The following IL1RAPL1 variants were observed in gnomAD, a reference collection of about 807,000 sequenced individuals.
The protein encoded by IL1RAPL1 is interleukin 1 receptor accessory protein like 1, also known as interleukin-1 receptor accessory protein-like 1.
In IL1RAPL1, 3 loss-of-function variants were observed where a neutral mutation model predicts 48.4. That is an observed-to-expected ratio of 0.06 (90% CI 0.03 to 0.16). IL1RAPL1 has a LOEUF of 0.16. Ranked by LOEUF, IL1RAPL1 falls within the 10% of genes least tolerant of loss-of-function variation. The pLI is 1.00. For synonymous variants in IL1RAPL1, 185 were observed against 187.7 expected, an observed-to-expected ratio of 0.99 and a Z score of 0.12; for missense variants, 349 against 530.6, an observed-to-expected ratio of 0.66 and a Z score of 3.36.
At chrX:29,727,248 G>A (rs1927796964) in intron 6 of IL1RAPL1, among the ~76,000 whole-genome samples, 1 of 111,905 alleles carries the variant, frequency 8.9e-6, no homozygotes, top group Non-Finnish European at 1.9e-5. Flanking sequence ...CCTCCCTATA[G>A]CAATGCTTGC....
chrX:28,736,282 AAAT>A (rs1935823837), intron 1 of IL1RAPL1, among the ~76,000 whole-genome samples: 2 of 110,165 alleles, frequency 1.8e-5, no homozygotes, highest in Non-Finnish European at 3.8e-5. Context: ...AAAATACAAA[AAAT>A]AAGCCAGGCG....
intron 5 of IL1RAPL1, among the ~76,000 whole-genome samples, chrX:29,562,308 A>T (rs914773136): frequency 3.3e-4 from 36 of 109,589 alleles, no homozygotes; most frequent in Non-Finnish European, 1.1e-4. Flanking sequence ...TTTCTAAAGG[A>T]AGGGTTTATT....
At chrX:29,140,976 AT>A (rs1489835262) in intron 2 of IL1RAPL1, among the ~76,000 whole-genome samples, 3 of 111,356 alleles carry the variant, frequency 2.7e-5, no homozygotes, top group African/African-American at 9.8e-5. Flanking sequence ...AATAATAAAG[AT>A]ATTAATAGTA....
At chrX:29,292,963 T>C (rs1932393308) in intron 3 of IL1RAPL1, among the ~76,000 whole-genome samples, 1 of 111,715 alleles carries the variant, frequency 9.0e-6, no homozygotes, top group Non-Finnish European at 1.9e-5. Flanking sequence ...TTTCTGTAGT[T>C]TTTTGGTAGA....
At chrX:28,874,737 G>C (rs982816707) in intron 2 of IL1RAPL1, among the ~76,000 whole-genome samples, 1 of 112,327 alleles carries the variant, frequency 8.9e-6, no homozygotes, top group Non-Finnish European at 1.9e-5. Context: ...CTTTCATTTA[G>C]ATTTAAGATG....
intron 6 of IL1RAPL1, among the ~76,000 whole-genome samples, chrX:29,897,558 C>T (rs1402023084): frequency 1.8e-5 from 2 of 111,904 alleles, no homozygotes; most frequent in Non-Finnish European, 3.8e-5. Flanking sequence ...TCATCCTGTA[C>T]CAAATCCCTG....
chrX:29,727,997 G>A (rs1927819979), intron 6 of IL1RAPL1, among the ~76,000 whole-genome samples: 2 of 110,829 alleles, frequency 1.8e-5, no homozygotes, highest in Admixed American at 1.9e-4. Context: ...GAGTGCAGTG[G>A]CGCGATCTCG....
At chrX:28,828,217 G>C (rs12007506) in intron 2 of IL1RAPL1, among the ~76,000 whole-genome samples, 6,742 of 111,365 alleles carry the variant, frequency 0.061, 391 homozygotes, top group East Asian at 0.24. Flanking sequence ...TCATGAAATC[G>C]TTATATGTGA....
At chrX:29,915,801 A>G (rs1182810372) in intron 6 of IL1RAPL1, among the ~76,000 whole-genome samples, 1 of 85,343 alleles carries the variant, frequency 1.2e-5, no homozygotes, top group African/African-American at 4.6e-5. Context: ...CACATTGTGC[A>G]GGTTAGTTAC....
chrX:29,592,677 A>G (rs1923414814), intron 5 of IL1RAPL1, among the ~76,000 whole-genome samples: 1 of 112,120 alleles, frequency 8.9e-6, no homozygotes, highest in African/African-American at 3.2e-5. Context: ...TCTGACCTTT[A>G]GAAGTTCCCT....
intron 2 of IL1RAPL1, among the ~76,000 whole-genome samples, chrX:29,069,922 A>G (rs1224040860): frequency 1.8e-5 from 2 of 111,418 alleles, no homozygotes; most frequent in Non-Finnish European, 3.8e-5. Context: ...ATGAAATTAT[A>G]TTAGAGATAA....
intron 2 of IL1RAPL1, among the ~76,000 whole-genome samples, chrX:28,998,383 A>G (rs1925771133): frequency 9.0e-6 from 1 of 111,472 alleles, no homozygotes; most frequent in South Asian, 3.7e-4. Context: ...GACAGCTACA[A>G]TTCTCCTTCT....
intron 6 of IL1RAPL1, among the ~76,000 whole-genome samples, chrX:29,887,634 G>C (rs1236668154): frequency 9.1e-6 from 1 of 110,306 alleles, no homozygotes; most frequent in African/African-American, 3.3e-5. Context: ...TAACTATGTG[G>C]ATACAATAGC....
At chrX:29,027,235 T>C (rs1926505688) in intron 2 of IL1RAPL1, among the ~76,000 whole-genome samples, 1 of 112,539 alleles carries the variant, frequency 8.9e-6, no homozygotes, top group Non-Finnish European at 1.9e-5. Flanking sequence ...CAAACCTTTT[T>C]ACTATGTCCA....
chrX:28,696,020 G>GTA (rs1935226635), intron 1 of IL1RAPL1, among the ~76,000 whole-genome samples: 1 of 111,903 alleles, frequency 8.9e-6, no homozygotes, highest in African/African-American at 3.2e-5. Flanking sequence ...TGCAAACAGG[G>GTA]TATAACAAGA....
intron 1 of IL1RAPL1, among the ~76,000 whole-genome samples, chrX:28,630,375 G>C (rs1463473135): frequency 8.9e-6 from 1 of 111,740 alleles, no homozygotes; most frequent in Non-Finnish European, 1.9e-5. Context: ...TTTGTTCCAA[G>C]GGGCTTATTT....
At chrX:29,782,887 CATTTTTTTTTTTTT>C (rs1929382603) in intron 6 of IL1RAPL1, among the ~76,000 whole-genome samples, 1 of 59,856 alleles carries the variant, frequency 1.7e-5, no homozygotes, top group African/African-American at 6.5e-5. Context: ...TTGATCGTGA[CATTTTTTTTTTTTT>C]TTTTTTTTTT....
chrX:29,901,308 AAAGG>A (rs1303518054), intron 6 of IL1RAPL1, among the ~76,000 whole-genome samples: 1 of 111,819 alleles, frequency 8.9e-6, no homozygotes, highest in Non-Finnish European at 1.9e-5. Flanking sequence ...TATACTACTA[AAAGG>A]AAGAAAGGAC....
At chrX:28,711,632 AT>A (rs1202766785) in intron 1 of IL1RAPL1, among the ~76,000 whole-genome samples, 1 of 109,545 alleles carries the variant, frequency 9.1e-6, no homozygotes, top group Non-Finnish European at 1.9e-5. Context: ...GTCTGGATGG[AT>A]TTATACCATA....
Sources: gnomAD v4.1 joint callset for allele counts (sites outside exome capture counted in the v4.1 genomes callset) on GRCh38, gnomAD v4.1.1 for gene constraint, MANE v1.5 for transcripts, NCBI Gene and HGNC (gene_info 2026-07-23, HGNC 2026-07-21) for gene names.